ARHGAP15: variants seen among roughly 807,000 people sequenced by gnomAD.
ARHGAP15 encodes rho GTPase-activating protein 15.
ARHGAP15 carries 51 observed loss-of-function variants against 63.7 expected under a neutral mutation model. The observed-to-expected ratio is 0.80, with a 90% CI of 0.64 to 1.01. The LOEUF is 1.01. Ranked by LOEUF, ARHGAP15 falls within the 50% of genes least tolerant of loss-of-function variation. The pLI, the probability that ARHGAP15 is intolerant of heterozygous loss-of-function variation, is 0.00. For missense variants in ARHGAP15, 560 were observed against 564.6 expected (o/e 0.99, Z 0.08); for synonymous variants, 191 against 193.8 (o/e 0.99, Z 0.12).
intron 8 of ARHGAP15, among the ~76,000 whole-genome samples, chr2:143,484,917 A>G (rs1016157739): frequency 6.6e-6 from 1 of 152,000 alleles, no homozygotes; most frequent in African/African-American, 2.4e-5. Flanking sequence ...AGAGACAATC[A>G]TACTTGTATA....
chr2:143,291,354 G>A (rs923545596), intron 6 of ARHGAP15, among the ~76,000 whole-genome samples: 2 of 152,106 alleles, frequency 1.3e-5, no homozygotes, highest in South Asian at 4.2e-4. Context: ...GTATGGAAAA[G>A]CAGCAGACAT....
At chr2:143,558,177 T>A (rs1695886286) in intron 11 of ARHGAP15, among the ~76,000 whole-genome samples, 1 of 152,192 alleles carries the variant, frequency 6.6e-6, no homozygotes, top group Non-Finnish European at 1.5e-5. Flanking sequence ...TGAATGTTTT[T>A]CATAATACAT....
intron 12 of ARHGAP15, among the ~76,000 whole-genome samples, chr2:143,684,646 T>C (rs910271800): frequency 3.3e-5 from 5 of 152,156 alleles, no homozygotes; most frequent in African/African-American, 1.2e-4. Context: ...GCTTAAAAAA[T>C]ATGCAGCTAA....
chr2:143,205,249 G>C (rs929496707), intron 3 of ARHGAP15, among the ~76,000 whole-genome samples: 2 of 136,446 alleles, frequency 1.5e-5, no homozygotes, highest in Non-Finnish European at 3.1e-5. Context: ...ATTGTGCAGA[G>C]AGAGATAAAA....
intron 13 of ARHGAP15, among the ~76,000 whole-genome samples, chr2:143,704,417 A>G (rs1684233952): frequency 6.6e-6 from 1 of 152,094 alleles, no homozygotes; most frequent in African/African-American, 2.4e-5. Context: ...ATCAGGCTGG[A>G]CTTGCTGCTG....
chr2:143,457,224 T>C (rs1024990251), intron 8 of ARHGAP15, among the ~76,000 whole-genome samples: 3 of 152,176 alleles, frequency 2.0e-5, no homozygotes, highest in Admixed American at 6.6e-5. Flanking sequence ...AATTTAATCA[T>C]AGACCAACAT....
intron 6 of ARHGAP15, among the ~76,000 whole-genome samples, chr2:143,321,775 C>T (rs1684035542): frequency 6.6e-6 from 1 of 152,182 alleles, no homozygotes; most frequent in Non-Finnish European, 1.5e-5. Flanking sequence ...CAGCTCTCTG[C>T]ACCCTCAATC....
At chr2:143,451,403 A>C (rs559972840) in intron 8 of ARHGAP15, among the ~76,000 whole-genome samples, 1 of 152,094 alleles carries the variant, frequency 6.6e-6, no homozygotes, top group African/African-American at 2.4e-5. Context: ...CACTTCAAGA[A>C]GACAGAGGAA....
chr2:143,194,718 A>G (rs1032528119), intron 2 of ARHGAP15, among the ~76,000 whole-genome samples: 25 of 152,164 alleles, frequency 1.6e-4, no homozygotes, highest in Non-Finnish European at 3.4e-4. Flanking sequence ...ACAGAGAGAA[A>G]CGATCTAGCG....
chr2:143,662,848 G>T (rs1681903752), intron 12 of ARHGAP15, among the ~76,000 whole-genome samples: 1 of 136,110 alleles, frequency 7.3e-6, no homozygotes, highest in South Asian at 2.6e-4. Context: ...AATGAAGCAA[G>T]AAGGGAAGTT....
At chr2:143,516,623 T>C (rs941719449) in intron 9 of ARHGAP15, among the ~76,000 whole-genome samples, 5 of 152,216 alleles carry the variant, frequency 3.3e-5, no homozygotes, top group Non-Finnish European at 7.3e-5. Flanking sequence ...AAGATAATAT[T>C]TGTGAAATTG....
At chr2:143,391,654 C>T (rs1192726910) in intron 6 of ARHGAP15, among the ~76,000 whole-genome samples, 6 of 152,154 alleles carry the variant, frequency 3.9e-5, no homozygotes, top group Non-Finnish European at 8.8e-5. Flanking sequence ...CTGAACTGCT[C>T]TTGACTCTGT....
intron 13 of ARHGAP15, among the ~76,000 whole-genome samples, chr2:143,707,564 G>A (rs762185892): frequency 1.5e-4 from 23 of 152,124 alleles, no homozygotes; most frequent in Non-Finnish European, 2.8e-4. Flanking sequence ...CTAACATATC[G>A]GAAAACCCGT....
chr2:143,193,229 G>A (rs1376939029), intron 2 of ARHGAP15, among the ~76,000 whole-genome samples: 1 of 152,180 alleles, frequency 6.6e-6, no homozygotes, highest in Admixed American at 6.5e-5. Context: ...ACCCATCATT[G>A]CCTGGCACCT....
chr2:143,166,318 A>G (rs866919648), intron 2 of ARHGAP15, among the ~76,000 whole-genome samples: 22 of 152,254 alleles, frequency 1.4e-4, no homozygotes, highest in South Asian at 8.3e-4. Context: ...AGTGGTCACC[A>G]TCTCAATCCT....
intron 6 of ARHGAP15, among the ~76,000 whole-genome samples, chr2:143,252,485 G>C (rs1302507107): frequency 6.6e-6 from 1 of 151,922 alleles, no homozygotes; most frequent in Non-Finnish European, 1.5e-5. Context: ...AGTTTTGTTT[G>C]TAATGTAATT....
chr2:143,574,396 T>C (rs1696585158), intron 11 of ARHGAP15, among the ~76,000 whole-genome samples: 1 of 152,078 alleles, frequency 6.6e-6, no homozygotes, highest in South Asian at 2.1e-4. Flanking sequence ...AATGTTAGAG[T>C]GCCTTGTTTA....
At chr2:143,635,944 C>T (rs1445155966) in intron 12 of ARHGAP15, among the ~76,000 whole-genome samples, 1 of 151,930 alleles carries the variant, frequency 6.6e-6, no homozygotes, top group Non-Finnish European at 1.5e-5. Flanking sequence ...GAAGTTCCTC[C>T]CACTTCCAAC....
chr2:143,750,410 C>T (rs558401511), intron 13 of ARHGAP15, among the ~76,000 whole-genome samples: 6 of 152,026 alleles, frequency 3.9e-5, no homozygotes, highest in African/African-American at 9.7e-5. Flanking sequence ...CATTGCACTC[C>T]GGCACAGGCA....
Sources: gnomAD v4.1 joint callset for allele counts (sites outside exome capture counted in the v4.1 genomes callset) on GRCh38, gnomAD v4.1.1 for gene constraint, MANE v1.5 for transcripts, NCBI Gene and HGNC (gene_info 2026-07-23, HGNC 2026-07-21) for gene names.